Variants in ASF1A observed in about 807,000 individuals in gnomAD.
ASF1A encodes histone chaperone ASF1A.
A neutral mutation model predicts 22.0 loss-of-function variants in ASF1A; 5 were observed. The observed-to-expected ratio is 0.23, with a 90% confidence interval of 0.12 to 0.48. The LOEUF (loss-of-function observed/expected upper bound fraction) is 0.48, where lower values mean the gene tolerates loss of function less well. Among genes scored for constraint, ASF1A ranks in the 20% least tolerant of loss-of-function variants. The pLI is 0.99. For synonymous variants in ASF1A, 97 were observed against 86.7 expected, an observed-to-expected ratio of 1.12 and a Z score of -0.66; for missense variants, 137 against 240.6, an observed-to-expected ratio of 0.57 and a Z score of 2.85.
Position 118,909,065 on chromosome 6 carries a change from C to T in ASF1A, c.*1451C>T, listed in dbSNP as rs567900919. 5 of 152,242 alleles carry T rather than the reference C, an allele frequency of 3.3e-5. No homozygotes were observed. The East Asian group carries it at 5.8e-4, about 18-fold the overall frequency. The allele number at this position is 152,242 out of a possible 1,614,324, so 9.4% of individuals were successfully genotyped here. Reference sequence around the variant, plus strand: ...GTTCATAGATTTTAAAAGTAAAATACTTCTGACTGTTAAAACTATATAAAG... The same window carrying T: ...GTTCATAGATTTTAAAAGTAAAATATTTCTGACTGTTAAAACTATATAAAG... On this transcript the variant is annotated 3_prime_UTR_variant, in exon 4 of 4. Transcript: ENST00000229595.
chr6:118,895,110 G>C (rs958447587), intron 1 of ASF1A, among the ~76,000 whole-genome samples: 1 of 152,110 alleles, frequency 6.6e-6, no homozygotes, highest in Non-Finnish European at 1.5e-5. Context: ...TGGCCGCTTC[G>C]GGGAGGAGAG....
At chr6:118,904,615 C>G (rs1185664519) in intron 2 of ASF1A, among the ~76,000 whole-genome samples, 2 of 152,222 alleles carry the variant, frequency 1.3e-5, no homozygotes, top group African/African-American at 4.8e-5. Flanking sequence ...TAGTCTAACT[C>G]AGTTTACTTT....
At chr6:118,898,424 A>T (rs996264180) in intron 1 of ASF1A, among the ~76,000 whole-genome samples, 1 of 146,106 alleles carries the variant, frequency 6.8e-6, no homozygotes, top group Non-Finnish European at 1.5e-5. Flanking sequence ...TTTATGTAAT[A>T]ATTTTTTTTT....
chr6:118,899,583 T>C (rs9489537), intron 1 of ASF1A, among the ~76,000 whole-genome samples: 14,903 of 152,210 alleles, frequency 0.098, 1,145 homozygotes, highest in African/African-American at 0.2. Context: ...TAGAAATGGT[T>C]TAGTTCTAGG....
chr6:118,895,522 A>G (rs1203583191), intron 1 of ASF1A, among the ~76,000 whole-genome samples: 1 of 152,268 alleles, frequency 6.6e-6, no homozygotes, highest in East Asian at 1.9e-4. Flanking sequence ...AACACACCCT[A>G]AACATAAAAC....
chr6:118,907,464 T>C lies in ASF1A; in HGVS notation c.465T>C (p.Asp155=). ...CAAGATTCCACATTAATTGGGAAGATAACACAGAAAAACTGGAAGATGCAG... is the reference window on the plus strand; with the variant it reads ...CAAGATTCCACATTAATTGGGAAGACAACACAGAAAAACTGGAAGATGCAG... ...RVTRFHINWE[D]NTEKLEDAES... The change falls in exon 4 of 4, where the codon GAT becomes GAC. Residue 155 remains aspartate (D), a synonymous_variant. Transcript: ENST00000229595. 6.2e-7 allele frequency: 1 copy of C among 1,613,064 alleles called. No homozygotes were observed. Among genetic ancestry groups the C allele is most frequent in the East Asian group, 2.2e-5 (1 of 44,838 alleles).
At position 118,897,114 on chromosome 6, in the gene ASF1A, T is replaced by C. The variant is rs139208761; in HGVS notation, c.109+2592T>C. Reference sequence around the variant, plus strand: ...CCTGCCTCCCATAGTGTTGTGATTATAGTGAGCCCACTGCACCCAGCCCAA... The same window carrying C: ...CCTGCCTCCCATAGTGTTGTGATTACAGTGAGCCCACTGCACCCAGCCCAA... On this transcript the variant is annotated intron_variant, in intron 1 of 3. Transcript: ENST00000229595. 2.9e-3 allele frequency among the ~76,000 whole-genome samples: 443 copies of C among 152,286 alleles called. 1 individual carries two copies. The highest frequency in any genetic ancestry group is 5.1e-3 in the Non-Finnish European group (349 of 68,002).
chr6:118,907,339 A>T, intron 3 of ASF1A, 63 bp from the exon 4 acceptor site: 1 of 1,173,862 alleles, frequency 8.5e-7, no homozygotes, highest in South Asian at 1.4e-5. Context: ...TTAAGCTTCT[A>T]TTTGTATATG....
intron 2 of ASF1A, among the ~76,000 whole-genome samples, chr6:118,902,779 T>G (rs1459473073): frequency 6.6e-6 from 1 of 152,214 alleles, no homozygotes; most frequent in Non-Finnish European, 1.5e-5. Context: ...CCTAAAGGTT[T>G]TACAGAATTC....
At chr6:118,905,566 G>A in intron 2 of ASF1A, 86 bp from the exon 3 acceptor site, 1 of 1,046,560 alleles carries the variant, frequency 9.6e-7, no homozygotes, top group Non-Finnish European at 1.4e-6. Flanking sequence ...CTCAACTGAT[G>A]GTTCTAGGTA....
At chr6:118,895,126 C>T (rs1460678888) in intron 1 of ASF1A, among the ~76,000 whole-genome samples, 4 of 152,136 alleles carry the variant, frequency 2.6e-5, no homozygotes, top group Admixed American at 6.5e-5. Context: ...GAGAGCGAGG[C>T]TGTCCTCGCG....
Position 118,894,172 on chromosome 6 carries a change from C to A in ASF1A, c.-242C>A. On this transcript the variant is annotated 5_prime_UTR_variant, in exon 1 of 4. Transcript: ENST00000229595. Reference sequence around the variant, plus strand: ...GGGTCAGAACTCGGGTGCAGCCAATCGAGGGCAACGCTGCTACTTATCAGA... The same window carrying A: ...GGGTCAGAACTCGGGTGCAGCCAATAGAGGGCAACGCTGCTACTTATCAGA... 7.8e-7 allele frequency: 1 copy of A among 1,276,370 alleles called. No homozygotes were observed. The highest frequency in any genetic ancestry group is 9.9e-7 in the Non-Finnish European group (1 of 1,007,534). 79.1% of individuals were successfully genotyped at this position (1,276,370 alleles called of 1,614,324 possible). A position where few individuals can be genotyped will look rare whatever the true frequency, so the allele number is the denominator to read the frequency against.
At chr6:118,900,172 G>A (rs1168314622) in intron 1 of ASF1A, among the ~76,000 whole-genome samples, 1 of 152,168 alleles carries the variant, frequency 6.6e-6, no homozygotes, top group African/African-American at 2.4e-5. Context: ...ACACAGGGGG[G>A]TGCCGTAAGG....
chr6:118,904,314 T>G (rs1352259427), intron 2 of ASF1A, among the ~76,000 whole-genome samples: 1 of 152,230 alleles, frequency 6.6e-6, no homozygotes, highest in Non-Finnish European at 1.5e-5. Flanking sequence ...ATTTTATGCC[T>G]TTTTGTATCA....
At chr6:118,900,942 ATTATC>A in intron 2 of ASF1A, 61 bp downstream of exon 2, 3 of 1,155,866 alleles carry the variant, frequency 2.6e-6, no homozygotes, top group Non-Finnish European at 2.6e-6. Context: ...TATATTATCT[ATTATC>A]TTATAACCCT....
intron 2 of ASF1A, among the ~76,000 whole-genome samples, chr6:118,902,227 C>G (rs1779843153): frequency 6.6e-6 from 1 of 152,180 alleles, no homozygotes; most frequent in Non-Finnish European, 1.5e-5. Flanking sequence ...CCCGACACCT[C>G]TGTATTAGCC....
rs1434701807 is a variant in ASF1A at position 118,894,327 on chromosome 6, G to A, written c.-87G>A. The A allele has an allele frequency of 2.0e-6, 3 of 1,525,974 alleles. No homozygotes were observed. Among genetic ancestry groups the A allele is most frequent in the Non-Finnish European group, 2.6e-6 (3 of 1,139,532 alleles). 94.5% of individuals were successfully genotyped at this position (1,525,974 alleles called of 1,614,324 possible). On this transcript the variant is annotated 5_prime_UTR_variant, in exon 1 of 4. Coordinates refer to ENST00000229595, the MANE Select transcript of ASF1A (RefSeq NM_014034.3). ...GACGTCTGGCCGGCGCTGGAGCGGG[G>A]GTCTGCGCTCTCCCGAGCGGCCGCG... is the stretch of plus-strand genomic sequence containing the variant.
chr6:118,895,906 T>C (rs1779366559), intron 1 of ASF1A, among the ~76,000 whole-genome samples: 1 of 152,148 alleles, frequency 6.6e-6, no homozygotes, highest in South Asian at 2.1e-4. Context: ...ATTTTAATTA[T>C]AAAACAATAT....
Position 118,907,634 on chromosome 6 carries a change from T to G in ASF1A, c.*20T>G. ...ATGTGACCACCTACCATCCCTTTAG[T>G]ACAAATTAAGCTATTAAAAATACAC... On this transcript the variant is annotated 3_prime_UTR_variant, in exon 4 of 4. Transcript: ENST00000229595. 1 of 1,582,996 alleles carries G rather than the reference T, an allele frequency of 6.3e-7. No homozygotes were observed. The highest frequency in any genetic ancestry group is 8.7e-7 in the Non-Finnish European group (1 of 1,152,336).
Sources: allele counts gnomAD v4.1 joint callset (sites outside exome capture counted in the v4.1 genomes callset), GRCh38; gene constraint gnomAD v4.1.1; transcripts MANE v1.5; gene names NCBI Gene and HGNC (gene_info 2026-07-23, HGNC 2026-07-21).